The following MAP1S variants were observed in gnomAD, a reference collection of about 807,000 sequenced individuals.
MAP1S encodes the protein microtubule-associated protein 1S.
In MAP1S, 27 loss-of-function variants were observed where a neutral mutation model predicts 60.9. That is an observed-to-expected ratio of 0.44 (90% CI 0.33 to 0.61). MAP1S has a LOEUF of 0.61. MAP1S is among the 20% of genes least tolerant of loss of function. The pLI is 0.03. For missense variants in MAP1S, 1,608 were observed against 1,486.6 expected (o/e 1.08, Z -1.34); for synonymous variants, 826 against 694.2 (o/e 1.19, Z -2.98).
chr19:17,727,889 T>A lies in MAP1S; in HGVS notation c.2505T>A (p.Pro835=). The change falls in exon 5 of 7, where the codon CCT becomes CCA. Residue 835 remains proline (P), a synonymous_variant. Transcript: ENST00000324096. This position sits in a 1 kb window ranked among gnomAD's most constrained non-coding sequence, Gnocchi z 4.1. ...CCCTCAAGGTCCCCCCACCACTGCCTGACCCATCCAGCATCTGCATGGTGG... is the reference window on the plus strand; with the variant it reads ...CCCTCAAGGTCCCCCCACCACTGCCAGACCCATCCAGCATCTGCATGGTGG... ...PDPLKVPPPL[P]DPSSICMVDP... 6.2e-7 allele frequency: 1 copy of A among 1,611,658 alleles called. No individual in the cohort carries two copies. Among genetic ancestry groups the A allele is most frequent in the East Asian group, 2.2e-5 (1 of 44,794 alleles).
In MAP1S at chr19:17,726,379, C is replaced by G. The variant is rs1285821411; in HGVS notation, c.995C>G (p.Pro332Arg). The G allele has an allele frequency of 1.3e-6, 2 of 1,595,538 alleles. No homozygotes were observed. The highest frequency in any genetic ancestry group is 2.7e-5 in the African/African-American group (2 of 74,966). Residue 332 changes from proline to arginine, a missense_variant, in exon 5 of 7, where the codon CCC becomes CGC. By Grantham distance (103) the Pro-to-Arg change is moderately radical. This residue lies in a region of MAP1S where 1,167 missense variants were observed against 961.4 expected (regional missense o/e 1.21). Coordinates refer to ENST00000324096, the MANE Select transcript of MAP1S (RefSeq NM_018174.6). ...WDDRLRRLIS[P>R]NLGVVFFNAC... The stretch of plus-strand genomic sequence containing the variant: ...GACAGGCTGCGCAGGCTCATCTCCC[C>G]CAACCTGGGGGTCGTGTTCTTCAAC...
chr19:17,727,254 C>T lies in MAP1S; in HGVS notation c.1870C>T (p.Leu624=). The change falls in exon 5 of 7, where the codon CTG becomes TTG. Residue 624 remains leucine (L), a synonymous_variant. Coordinates refer to ENST00000324096, the MANE Select transcript of MAP1S (RefSeq NM_018174.6). This position sits in a 1 kb window ranked among gnomAD's most constrained non-coding sequence, Gnocchi z 4.1. ...GATCCCAGCCGGGGAGGAGAAGGCA[C>T]TGGAGCTGCCTTTGGCCGCCAGCTC... is the stretch of plus-strand genomic sequence containing the variant. ...GPIPAGEEKA[L]ELPLAASSIP... The T allele has an allele frequency of 6.4e-7, 1 of 1,572,732 alleles. No individual in the cohort carries two copies. Among genetic ancestry groups the T allele is most frequent in the Non-Finnish European group, 8.6e-7 (1 of 1,164,662 alleles).
At position 17,727,658 on chromosome 19, in the gene MAP1S, G is replaced by T; in HGVS notation, c.2274G>T (p.Ala758=). 1 of 1,608,854 alleles carries T rather than the reference G, an allele frequency of 6.2e-7. No individual in the cohort carries two copies. Among genetic ancestry groups the T allele is most frequent in the Non-Finnish European group, 8.5e-7 (1 of 1,179,688 alleles). ...RKAVPMAPAP[A]SPGSSNDSSA... ...CGGTGCCAATGGCACCGGCACCTGC[G>T]TCCCCCGGCAGCTCGAATGACAGCA... The change falls in exon 5 of 7, where the codon GCG becomes GCT. Residue 758 remains alanine, a synonymous_variant. Coordinates refer to ENST00000324096, the MANE Select transcript of MAP1S (RefSeq NM_018174.6). This position sits in a 1 kb window ranked among gnomAD's most constrained non-coding sequence, Gnocchi z 4.1.
intron 5 of MAP1S, 59 bp from the exon 6 acceptor site, chr19:17,733,134 C>A: frequency 8.2e-7 from 1 of 1,215,526 alleles, no homozygotes; most frequent in Non-Finnish European, 1.1e-6. Context: ...GAACTTGGAG[C>A]CTCGGCCCCT....
At chr19:17,724,233 G>C (rs763959493) in intron 3 of MAP1S, 25 bp downstream of exon 3, 138 of 1,599,992 alleles carry the variant, frequency 8.6e-5, no homozygotes, top group Non-Finnish European at 1.1e-4. Context: ...ACGTCCTGGA[G>C]GGGGCGGGCT....
rs571418231 is a variant in MAP1S, at chr19:17,720,570, G to C, written c.119-366G>C. On this transcript the variant is annotated intron_variant, in intron 1 of 6. Transcript: ENST00000324096. The stretch of plus-strand genomic sequence containing the variant: ...CACCCGAAGGTGCTGAGGGGGAAGG[G>C]CCCCCTGGCCAGTAGGAACAGGTGG... 4.6e-5 allele frequency: 64 copies of C among 1,394,188 alleles called. No individual in the cohort carries two copies. In the African/African-American group the frequency reaches 7.7e-4, roughly 17 times the overall value. 86.4% of individuals were successfully genotyped at this position (1,394,188 alleles called of 1,614,324 possible).
rs1407322197 is a variant in MAP1S, at chr19:17,727,305, CCT to C, written c.1922_1923del (p.Pro641ArgfsTer62). 6.3e-7 allele frequency: 1 copy of C among 1,591,780 alleles called. No homozygotes were observed. The highest frequency in any genetic ancestry group is 8.5e-7 in the Non-Finnish European group (1 of 1,174,154). On this transcript the variant is annotated frameshift_variant, in exon 5 of 7. Transcript: ENST00000324096. LOFTEE classifies it high-confidence loss of function. This position sits in a 1 kb window ranked among gnomAD's most constrained non-coding sequence, Gnocchi z 4.1. ...SSIPRPRTPS[P>X]ESHRSPAEGS... ...AATCCCAAGGCCACGCACACCCTCC[CCT>C]GAGTCCCACCGGAGCCCCGCAGAGG...
Position 17,721,033 on chromosome 19 carries a change from G to A in MAP1S, c.216G>A (p.Val72=), listed in dbSNP as rs761486026. 11 of 1,613,640 alleles carry A rather than the reference G, an allele frequency of 6.8e-6. No homozygotes were observed. In the African/African-American group the frequency reaches 8.0e-5, roughly 12 times the overall value. ...ACTCTGCCACCTTCTCCAGCATTGTGAAAGGTGAGGCTGGGGTCCCCCTGA... is the reference window on the plus strand; with the variant it reads ...ACTCTGCCACCTTCTCCAGCATTGTAAAAGGTGAGGCTGGGGTCCCCCTGA... ...SRHSATFSSI[V]KGQRSLHHRG... is the part of the protein sequence containing the mutation. Residue 72 remains valine (V), a synonymous_variant, in exon 2 of 7, where the codon GTG becomes GTA. Coordinates refer to ENST00000324096, the MANE Select transcript of MAP1S (RefSeq NM_018174.6).
intron 2 of MAP1S, among the ~76,000 whole-genome samples, chr19:17,722,410 C>G: frequency 6.6e-6 from 1 of 152,224 alleles, no homozygotes; most frequent in African/African-American, 2.4e-5. Flanking sequence ...TAAGATTGTG[C>G]CACTGCACTT....
rs1351612272 is a variant in MAP1S at position 17,719,554 on chromosome 19, C to T, written c.52C>T (p.Leu18Phe). The change falls in exon 1 of 7, where the codon CTC becomes TTC. Residue 18 changes from leucine to phenylalanine, a missense_variant. Physicochemically the swap from Leu to Phe is conservative, Grantham distance 22. Coordinates refer to ENST00000324096, the MANE Select transcript of MAP1S (RefSeq NM_018174.6). ...TGCCGCGGCTCCGAGCTCACTGCTC[C>T]TCGTGGTGGGCAGCGAGTTCGGGAG... ...GAAAAPSSLLLVVGSEFGSPG... is the reference protein window; with the variant it reads ...GAAAAPSSLLFVVGSEFGSPG... The T allele has an allele frequency of 9.6e-6, 12 of 1,246,132 alleles. No individual in the cohort carries two copies. The highest frequency in any genetic ancestry group is 1.1e-5 in the Non-Finnish European group (11 of 987,588). 77.2% of individuals were successfully genotyped at this position (1,246,132 alleles called of 1,614,324 possible).
intron 5 of MAP1S, among the ~76,000 whole-genome samples, chr19:17,729,431 A>T (rs971494749): frequency 3.9e-5 from 6 of 152,092 alleles, no homozygotes; most frequent in African/African-American, 1.4e-4. Flanking sequence ...CTAAGATCCA[A>T]ATTCCCAGAG....
At position 17,727,937 on chromosome 19, in the gene MAP1S, G is replaced by C. The variant is rs374266866; in HGVS notation, c.2553G>C (p.Lys851Asn). 25 of 1,608,910 alleles carry C rather than the reference G, an allele frequency of 1.6e-5. No homozygotes were observed. In the African/African-American group the frequency reaches 2.8e-4, roughly 18 times the overall value. Residue 851 changes from lysine to asparagine, a missense_variant, in exon 5 of 7, where the codon AAG becomes AAC. By Grantham distance (94) the Lys-to-Asn change is moderately conservative. This residue lies in a region of MAP1S where 1,167 missense variants were observed against 961.4 expected (regional missense o/e 1.21). Coordinates refer to ENST00000324096, the MANE Select transcript of MAP1S (RefSeq NM_018174.6). This position sits in a 1 kb window ranked among gnomAD's most constrained non-coding sequence, Gnocchi z 4.1. ...CMVDPEMLPP[K>N]TARQTENVSR... Reference sequence around the variant, plus strand: ...TGGACCCCGAGATGCTGCCCCCCAAGACAGCACGGCAAACGGAGAACGTCA... The same window carrying C: ...TGGACCCCGAGATGCTGCCCCCCAACACAGCACGGCAAACGGAGAACGTCA...
At position 17,726,590 on chromosome 19, in the gene MAP1S, C is replaced by G. The variant is rs558683759; in HGVS notation, c.1206C>G (p.Ser402=). Residue 402 remains serine (S), a synonymous_variant, in exon 5 of 7, where the codon TCC becomes TCG. Coordinates refer to ENST00000324096, the MANE Select transcript of MAP1S (RefSeq NM_018174.6). The stretch of plus-strand genomic sequence containing the variant: ...ACATGTATGTGCTGCACCCGCCCTC[C>G]GCCGGCGCCGAGCGCACGCTGGCCT... The part of the protein sequence containing the change: ...RLDMYVLHPP[S]AGAERTLASV... 1 of 1,572,982 alleles carries G rather than the reference C, an allele frequency of 6.4e-7. No individual in the cohort carries two copies. Among genetic ancestry groups the G allele is most frequent in the Non-Finnish European group, 8.6e-7 (1 of 1,164,356 alleles).
chr19:17,733,319 G>A lies in MAP1S; in HGVS notation c.2915G>A (p.Arg972His), dbSNP rs751075460. The A allele has an allele frequency of 4.4e-6, 7 of 1,605,138 alleles. No individual in the cohort carries two copies. Among genetic ancestry groups the A allele is most frequent in the East Asian group, 2.2e-5 (1 of 44,494 alleles). The change falls in exon 6 of 7, where the codon CGC becomes CAC. Residue 972 changes from arginine (R) to histidine (H), a missense_variant. Arg to His is a conservative substitution (Grantham distance 29, BLOSUM62 0). Transcript: ENST00000324096. Reference protein sequence around the residue: ...LVDEEFFQRVRALCYVISGQD... With the variant: ...LVDEEFFQRVHALCYVISGQD... ...GATGAGGAGTTCTTCCAGCGCGTGC[G>A]CGCGCTCTGCTACGTCATCAGTGGC...
At chr19:17,722,814 AG>A (rs1449299201) in intron 2 of MAP1S, among the ~76,000 whole-genome samples, 20 of 151,688 alleles carry the variant, frequency 1.3e-4, no homozygotes, top group Admixed American at 6.6e-5. Context: ...AGAGAGAGAA[AG>A]GAAAGAGAAA....
At chr19:17,724,091 G>A (rs760043128) in intron 2 of MAP1S, 35 bp from the exon 3 acceptor site, 1 of 1,571,348 alleles carries the variant, frequency 6.4e-7, no homozygotes, top group Admixed American at 1.7e-5. Flanking sequence ...CGGGGAGGCA[G>A]GATTTGACTC....
At chr19:17,728,402 C>G (rs566822438) in intron 5 of MAP1S, among the ~76,000 whole-genome samples, 26 of 152,250 alleles carry the variant, frequency 1.7e-4, no homozygotes, top group African/African-American at 6.3e-4. Context: ...GGCACCGCCA[C>G]TACCCCTGCC....
Position 17,720,348 on chromosome 19 carries a change from G to A in MAP1S, c.119-588G>A, listed in dbSNP as rs768963693. 5.3e-6 allele frequency: 8 copies of A among 1,523,218 alleles called. No individual in the cohort carries two copies. In the East Asian group the frequency reaches 2.0e-4, roughly 38 times the overall value. The allele number at this position is 1,523,218 out of a possible 1,614,324, so 94.4% of individuals were successfully genotyped here. ...CATGTGCTTGAGGAGTGTTTAGTGA[G>A]CACCTGCTATGCGCCAGGCCTTTGG... is the stretch of plus-strand genomic sequence containing the variant. On this transcript the variant is annotated intron_variant, in intron 1 of 6. Transcript: ENST00000324096.
chr19:17,727,170 G>T lies in MAP1S; in HGVS notation c.1786G>T (p.Ala596Ser). Residue 596 changes from alanine (A) to serine (S), a missense_variant, in exon 5 of 7, where the codon GCA becomes TCA. Around this residue, in one of 4 missense-constraint regions of MAP1S, gnomAD observed 1,167 missense variants for 961.4 expected, o/e 1.21. Transcript: ENST00000324096. The surrounding 1 kb of genome is among the most constrained non-coding windows in gnomAD (Gnocchi z 4.1). ...ATGTGGAGAAGCCAGCCCCCCCAGT[G>T]CAGCCTGCGGCTCTCCGGCCTCCCA... ...LRCGEASPPS[A>S]ACGSPASQLV... 1 of 1,584,646 alleles carries T rather than the reference G, an allele frequency of 6.3e-7. No individual in the cohort carries two copies. The highest frequency in any genetic ancestry group is 1.1e-5 in the South Asian group (1 of 87,940).
Sources: allele counts gnomAD v4.1 joint callset (sites outside exome capture counted in the v4.1 genomes callset), GRCh38; gene constraint gnomAD v4.1.1; regional missense constraint gnomAD v4.1.1; non-coding constraint Gnocchi (gnomAD v3.1); transcripts MANE v1.5; gene names NCBI Gene and HGNC (gene_info 2026-07-23, HGNC 2026-07-21).